CCDC152: variants seen among roughly 807,000 people sequenced by gnomAD.
CCDC152 encodes coiled-coil domain-containing protein 152.
In CCDC152, 37 loss-of-function variants were observed where a neutral mutation model predicts 38.1. That is an observed-to-expected ratio of 0.97 (90% CI 0.75 to 1.28). CCDC152 has a LOEUF of 1.28. Among genes scored for constraint, CCDC152 ranks in the 50% most tolerant of loss-of-function variants. The probability of loss-of-function intolerance (pLI) is 0.00; values close to 1 mark genes in which losing one functional copy is unlikely to be tolerated. For synonymous variants in CCDC152, 83 were observed against 87.1 expected (o/e 0.95, Z 0.26); for missense variants, 259 against 292.1 (o/e 0.89, Z 0.83).
At chr5:42,798,796 T>C (rs1760116525) in intron 7 of CCDC152, among the ~76,000 whole-genome samples, 1 of 152,122 alleles carries the variant, frequency 6.6e-6, no homozygotes, top group South Asian at 2.1e-4. Context: ...AAAAAAAAAT[T>C]GGCCTGTTAA....
intron 6 of CCDC152, among the ~76,000 whole-genome samples, chr5:42,794,063 C>T (rs555116917): frequency 1.3e-5 from 2 of 152,094 alleles, no homozygotes; most frequent in Non-Finnish European, 2.9e-5. Context: ...AGCTGGAGAA[C>T]AGGTTAGAAG....
rs183667353 is a variant in CCDC152, at chr5:42,800,311, T to C, written c.*530T>C. The C allele has an allele frequency of 1.1e-3, 181 of 159,506 alleles. No individual in the cohort carries two copies. Among genetic ancestry groups the C allele is most frequent in the African/African-American group, 4.0e-3 (169 of 41,750 alleles). 9.9% of individuals were successfully genotyped at this position (159,506 alleles called of 1,614,324 possible). ...TATTTTATTAGTTAAAAGTAGAAGA[T>C]TGAAAAGACAAAGTAATATTGTTTT... On this transcript the variant is annotated 3_prime_UTR_variant, in exon 9 of 9. Coordinates refer to ENST00000361970, the MANE Select transcript of CCDC152 (RefSeq NM_001134848.2).
intron 6 of CCDC152, among the ~76,000 whole-genome samples, chr5:42,792,022 C>T (rs1215277525): frequency 1.3e-5 from 2 of 152,186 alleles, no homozygotes; most frequent in African/African-American, 2.4e-5. Flanking sequence ...TGAGAGCAGC[C>T]TCTGCATCCT....
intron 4 of CCDC152, among the ~76,000 whole-genome samples, chr5:42,772,175 C>G (rs1233321855): frequency 1.3e-5 from 2 of 152,092 alleles, no homozygotes; most frequent in African/African-American, 2.4e-5. Context: ...GAAAAAAACA[C>G]ATGAACACCT....
chr5:42,779,392 G>T, intron 4 of CCDC152, 66 bp from the exon 5 acceptor site: 1 of 949,446 alleles, frequency 1.1e-6, no homozygotes, highest in Non-Finnish European at 1.6e-6. Context: ...CTAAAATGTT[G>T]AACATATTTT....
At chr5:42,776,533 C>A (rs1390702260) in intron 4 of CCDC152, among the ~76,000 whole-genome samples, 1 of 152,122 alleles carries the variant, frequency 6.6e-6, no homozygotes, top group Non-Finnish European at 1.5e-5. Context: ...AGTAAGGACA[C>A]AGTTGAAATC....
At chr5:42,766,960 C>T (rs544488415) in intron 3 of CCDC152, among the ~76,000 whole-genome samples, 27 of 152,148 alleles carry the variant, frequency 1.8e-4, no homozygotes, top group Admixed American at 5.9e-4. Flanking sequence ...GGGATAGATA[C>T]GCCATTCTCC....
chr5:42,792,185 G>A (rs77815738), intron 6 of CCDC152, among the ~76,000 whole-genome samples: 1,829 of 152,194 alleles, frequency 0.012, 45 homozygotes, highest in African/African-American at 0.042. Flanking sequence ...CTTTCCAACC[G>A]GGGTCCAAAT....
At chr5:42,790,394 G>A (rs1759982864) in intron 6 of CCDC152, among the ~76,000 whole-genome samples, 1 of 152,196 alleles carries the variant, frequency 6.6e-6, no homozygotes. Flanking sequence ...AATTATCAAT[G>A]CCATGTTGAT....
Position 42,798,854 on chromosome 5 carries a change from C to G in CCDC152, c.559-521C>G, listed in dbSNP as rs775364113. On this transcript the variant is annotated intron_variant, in intron 7 of 8. Transcript: ENST00000361970. The stretch of plus-strand genomic sequence containing the variant: ...TAACCTGATTCAGTTTAATTGAAAC[C>G]AGCAAGGGTTCAAACTATATCGACA... Among the ~76,000 whole-genome samples the G allele has an allele frequency of 4.7e-4, 71 of 152,218 alleles. 1 individual carries two copies. Among genetic ancestry groups the G allele is most frequent in the Middle Eastern group, 3.4e-3 (1 of 294 alleles).
chr5:42,758,474 C>T (rs888240700), intron 1 of CCDC152, among the ~76,000 whole-genome samples: 4 of 152,210 alleles, frequency 2.6e-5, no homozygotes, highest in Admixed American at 1.3e-4. Flanking sequence ...GTGTCTCATA[C>T]TTGTTTACAT....
intron 4 of CCDC152, among the ~76,000 whole-genome samples, chr5:42,775,961 A>G (rs1329894592): frequency 6.6e-6 from 1 of 151,986 alleles, no homozygotes; most frequent in Non-Finnish European, 1.5e-5. Context: ...TTTGCTAAGA[A>G]AGAAGAGAAA....
rs540913973 is a variant in CCDC152 at position 42,801,683 on chromosome 5, G to A, written c.*1902G>A. 1.1e-4 allele frequency: 31 copies of A among 280,678 alleles called. 1 individual carries two copies. Among genetic ancestry groups the A allele is most frequent in the East Asian group, 6.7e-4 (11 of 16,378 alleles). The allele number at this position is 280,678 out of a possible 1,614,324, so 17.4% of individuals were successfully genotyped here. A position where few individuals can be genotyped will look rare whatever the true frequency, so the allele number is the denominator to read the frequency against. Reference sequence around the variant, plus strand: ...TGTAATCCCACCACTTTGGGTGGCCGAGGGGGGCAGATTACTTGGGCTCAG... The same window carrying A: ...TGTAATCCCACCACTTTGGGTGGCCAAGGGGGGCAGATTACTTGGGCTCAG... On this transcript the variant is annotated 3_prime_UTR_variant, in exon 9 of 9. Transcript: ENST00000361970.
chr5:42,795,892 A>G (rs528082995), intron 6 of CCDC152, among the ~76,000 whole-genome samples: 395 of 151,892 alleles, frequency 2.6e-3, no homozygotes, highest in Non-Finnish European at 5.1e-3. Context: ...CATATACACC[A>G]TGGAATACTA....
chr5:42,782,633 G>A (rs867846835), intron 5 of CCDC152, among the ~76,000 whole-genome samples: 4 of 151,940 alleles, frequency 2.6e-5, no homozygotes, highest in East Asian at 1.9e-4. Flanking sequence ...TATCAATAAC[G>A]ATGTATCATA....
chr5:42,779,242 A>G (rs1293233095), intron 4 of CCDC152, among the ~76,000 whole-genome samples: 1 of 152,162 alleles, frequency 6.6e-6, no homozygotes, highest in Non-Finnish European at 1.5e-5. Flanking sequence ...ATAACTACTA[A>G]CACATTTGAC....
At chr5:42,770,438 C>A (rs1428605413) in intron 4 of CCDC152, among the ~76,000 whole-genome samples, 1 of 152,048 alleles carries the variant, frequency 6.6e-6, no homozygotes, top group Non-Finnish European at 1.5e-5. Context: ...CTTTTCCCTT[C>A]CTTGTGACTA....
intron 5 of CCDC152, among the ~76,000 whole-genome samples, chr5:42,780,089 T>A (rs1759824129): frequency 6.6e-6 from 1 of 152,090 alleles, no homozygotes. Flanking sequence ...AGATGCTAAA[T>A]AAATGTCAGT....
At chr5:42,794,137 A>C (rs1298982465) in intron 6 of CCDC152, among the ~76,000 whole-genome samples, 81 of 152,332 alleles carry the variant, frequency 5.3e-4, no homozygotes, top group Non-Finnish European at 9.3e-4. Context: ...AACATGTGAG[A>C]TATAGGAACT....
Sources: gnomAD v4.1 joint callset for allele counts (sites outside exome capture counted in the v4.1 genomes callset) on GRCh38, gnomAD v4.1.1 for gene constraint, MANE v1.5 for transcripts, NCBI Gene and HGNC (gene_info 2026-07-23, HGNC 2026-07-21) for gene names.